The following OPA3 variants were observed in gnomAD, a reference collection of about 807,000 sequenced individuals.
OPA3 encodes the protein optic atrophy 3 protein.
A neutral mutation model predicts 4.0 loss-of-function variants in OPA3; 6 were observed. The ratio of observed to expected loss-of-function variants is 1.51; its 90% CI spans 0.83 to 2.99. The LOEUF (loss-of-function observed/expected upper bound fraction) is 2.99. Ranked by LOEUF, OPA3 falls within the 30% of genes most tolerant of loss-of-function variation. The pLI, the probability that OPA3 is intolerant of heterozygous loss-of-function variation, is 0.00. For missense variants in OPA3, 235 were observed against 256.2 expected (o/e 0.92, Z 0.56); for synonymous variants, 105 against 117.1 (o/e 0.90, Z 0.67).
intron 1 of OPA3, among the ~76,000 whole-genome samples, chr19:45,561,660 T>G (rs1457576732): frequency 6.6e-6 from 1 of 151,978 alleles, no homozygotes; most frequent in Non-Finnish European, 1.5e-5. Context: ...TACAAGGAAG[T>G]TGGCTGATAA....
In OPA3 at chr19:45,553,732, G is replaced by T; in HGVS notation, c.322C>A (p.Gln108Lys). 1 of 1,610,680 alleles carries T rather than the reference G, an allele frequency of 6.2e-7. No homozygotes were observed. ...VLEYWRHQAQ[Q>K]RHKEEEQRAA... Reference sequence around the variant, plus strand: ...CGCTGCTCCTCCTCCTTGTGGCGCTGCTGCGCCTGGTGGCGCCAGTACTCC... The same window carrying T: ...CGCTGCTCCTCCTCCTTGTGGCGCTTCTGCGCCTGGTGGCGCCAGTACTCC... The change falls in exon 2 of 2, where the codon CAG becomes AAG. Residue 108 changes from glutamine (Q) to lysine (K), a missense_variant. Coordinates refer to ENST00000263275, the MANE Select transcript of OPA3 (RefSeq NM_025136.4).
Position 45,551,985 on chromosome 19 carries a change from G to A in OPA3, c.*1529C>T. 2 of 985,564 alleles carry A rather than the reference G, an allele frequency of 2.0e-6. No individual in the cohort carries two copies. The highest frequency in any genetic ancestry group is 2.4e-6 in the Non-Finnish European group (2 of 830,034). The allele number at this position is 985,564 out of a possible 1,614,324, so 61.1% of individuals were successfully genotyped here. ...CAAGCTCCAGGGACTCTGAGGACAG[G>A]AAAATAGGGGGCTGAGGCTGAAGGA... is the stretch of plus-strand genomic sequence containing the variant. On this transcript the variant is annotated 3_prime_UTR_variant, in exon 2 of 2. Transcript: ENST00000263275.
chr19:45,575,009 G>A (rs1041338737), intron 1 of OPA3, among the ~76,000 whole-genome samples: 1 of 152,290 alleles, frequency 6.6e-6, no homozygotes, highest in African/African-American at 2.4e-5. Flanking sequence ...GCACCTGGAT[G>A]AGAGCCTGCC....
In OPA3 at chr19:45,549,357, G is replaced by T; in HGVS notation, c.*4157C>A. ...GCCCTGCTGCCCACGATGACTGGCT[G>T]CCTGTCAGGGCAGGGCAGGGCAGGG... On this transcript the variant is annotated 3_prime_UTR_variant, in exon 2 of 2. Coordinates refer to ENST00000263275, the MANE Select transcript of OPA3 (RefSeq NM_025136.4). The T allele has an allele frequency of 1.1e-6, 1 of 914,934 alleles. No homozygotes were observed. Among genetic ancestry groups the T allele is most frequent in the Non-Finnish European group, 1.2e-6 (1 of 804,386 alleles). The allele number at this position is 914,934 out of a possible 1,614,324, so 56.7% of individuals were successfully genotyped here.
chr19:45,565,424 G>C (rs1468512553), intron 1 of OPA3, among the ~76,000 whole-genome samples: 2 of 151,910 alleles, frequency 1.3e-5, no homozygotes, highest in Non-Finnish European at 2.9e-5. Flanking sequence ...GAGGTCAGGA[G>C]TTTGAGACCA....
chr19:45,580,528 G>A (rs1286858645), intron 1 of OPA3, among the ~76,000 whole-genome samples: 1 of 150,602 alleles, frequency 6.6e-6, no homozygotes, highest in African/African-American at 2.4e-5. Flanking sequence ...CCCGACCTCA[G>A]GTGATCTGCC....
At chr19:45,544,397 C>T (rs985657730), downstream of OPA3, among the ~76,000 whole-genome samples, 2 of 152,216 alleles carry the variant, frequency 1.3e-5, no homozygotes, top group African/African-American at 4.8e-5. Flanking sequence ...CGGTGGCTCA[C>T]GCCTGTAATC....
intron 1 of OPA3, among the ~76,000 whole-genome samples, chr19:45,577,040 C>T (rs1969779723): frequency 6.6e-6 from 1 of 152,338 alleles, no homozygotes; most frequent in East Asian, 1.9e-4. Context: ...TATCTCACAG[C>T]CTCCCTGGGA....
Position 45,553,654 on chromosome 19 carries a change from C to T in OPA3, c.400G>A (p.Glu134Lys). The stretch of plus-strand genomic sequence containing the variant: ...GCCTGCACCTGCGCCTGCAGCGCTT[C>T]CAGCGCCAGCGCCAGGTGGCCCACC... ...DEVGHLALAL[E>K]ALQAQVQAAP... Residue 134 changes from glutamate (E) to lysine (K), a missense_variant, in exon 2 of 2, where the codon GAA (glutamate) becomes AAA (lysine). Glu to Lys is a moderately conservative substitution (Grantham distance 56). Coordinates refer to ENST00000263275, the MANE Select transcript of OPA3 (RefSeq NM_025136.4). The T allele has an allele frequency of 1.2e-6, 2 of 1,604,812 alleles. No homozygotes were observed. The highest frequency in any genetic ancestry group is 1.7e-6 in the Non-Finnish European group (2 of 1,178,284).
At chr19:45,531,858 A>T (rs1473786566) in intron 1 of OPA3, among the ~76,000 whole-genome samples, 2 of 152,112 alleles carry the variant, frequency 1.3e-5, no homozygotes, top group Non-Finnish European at 2.9e-5. Context: ...CTTCTATCCA[A>T]ATCCCGTTTC....
In OPA3 at chr19:45,584,466, C is replaced by T. The variant is rs544516313; in HGVS notation, c.142+157G>A. The T allele has an allele frequency of 2.2e-5, 22 of 982,290 alleles. No homozygotes were observed. In the South Asian group the frequency reaches 7.1e-4, roughly 32 times the overall value. 60.8% of individuals were successfully genotyped at this position (982,290 alleles called of 1,614,324 possible). Reference sequence around the variant, plus strand: ...CCGCCCCGCCCTCACTACTGGGCCACCCGTACGCCCCTCTATCAGAAACCC... The same window carrying T: ...CCGCCCCGCCCTCACTACTGGGCCATCCGTACGCCCCTCTATCAGAAACCC... On this transcript the variant is annotated intron_variant, in intron 1 of 1. Coordinates refer to ENST00000263275, the MANE Select transcript of OPA3 (RefSeq NM_025136.4).
intron 1 of OPA3, chr19:45,584,395 G>T: frequency 1.0e-6 from 1 of 985,362 alleles, no homozygotes; most frequent in Non-Finnish European, 1.2e-6. Flanking sequence ...TTTATCGGCT[G>T]GCATTTCCTA....
Position 45,550,672 on chromosome 19 carries a change from C to T in OPA3, c.*2842G>A. On this transcript the variant is annotated 3_prime_UTR_variant, in exon 2 of 2. Transcript: ENST00000263275. ...CCAGCTCATAGGGTGACTCTTGGGC[C>T]TCTCCCCATCAGAACCCTCCCAGTT... 6.1e-6 allele frequency: 6 copies of T among 985,978 alleles called. No individual in the cohort carries two copies. Among genetic ancestry groups the T allele is most frequent in the Non-Finnish European group, 7.2e-6 (6 of 830,236 alleles). The allele number at this position is 985,978 out of a possible 1,614,324, so 61.1% of individuals were successfully genotyped here. A position where few individuals can be genotyped will look rare whatever the true frequency, so the allele number is the denominator to read the frequency against.
Position 45,551,390 on chromosome 19 carries a change from GT to G in OPA3, c.*2123del, listed in dbSNP as rs1280158963. 1 of 152,252 alleles carries G rather than the reference GT, an allele frequency of 6.6e-6. No individual in the cohort carries two copies. The highest frequency in any genetic ancestry group is 1.5e-5 in the Non-Finnish European group (1 of 68,126). 9.4% of individuals were successfully genotyped at this position (152,252 alleles called of 1,614,324 possible). On this transcript the variant is annotated 3_prime_UTR_variant, in exon 2 of 2. Transcript: ENST00000263275. ...TTATGACAGTTTATTTGGAAAAAGT[GT>G]TTTTTCAGATGTAATTAAGGGTCTT... is the stretch of plus-strand genomic sequence containing the variant.
At chr19:45,543,389 C>T (rs933358469), downstream of OPA3, among the ~76,000 whole-genome samples, 2 of 151,314 alleles carry the variant, frequency 1.3e-5, no homozygotes, top group South Asian at 2.1e-4. Context: ...GACGTGATCT[C>T]GGCTCACTGT....
intron 1 of OPA3, among the ~76,000 whole-genome samples, chr19:45,556,020 C>T (rs1019800513): frequency 1.4e-4 from 22 of 152,240 alleles, no homozygotes; most frequent in African/African-American, 5.3e-4. Flanking sequence ...AAGGATGCAC[C>T]AGCTGTTTGA....
Position 45,551,081 on chromosome 19 carries a change from C to T in OPA3, c.*2433G>A. 2.7e-6 allele frequency: 1 copy of T among 369,174 alleles called. No individual in the cohort carries two copies. The highest frequency in any genetic ancestry group is 3.8e-6 in the Non-Finnish European group (1 of 266,490). The allele number at this position is 369,174 out of a possible 1,614,324, so 22.9% of individuals were successfully genotyped here. A position where few individuals can be genotyped will look rare whatever the true frequency, so the allele number is the denominator to read the frequency against. On this transcript the variant is annotated 3_prime_UTR_variant, in exon 2 of 2. Transcript: ENST00000263275. Reference sequence around the variant, plus strand: ...GCTCAGGTGATCCTCCTGCCTCAGCCTCCCAAGTAGCTGGGACTACAGGCA... The same window carrying T: ...GCTCAGGTGATCCTCCTGCCTCAGCTTCCCAAGTAGCTGGGACTACAGGCA...
chr19:45,534,551 ACT>A (rs1439100860), intron 1 of OPA3, among the ~76,000 whole-genome samples: 4 of 89,580 alleles, frequency 4.5e-5, no homozygotes, highest in Non-Finnish European at 6.3e-5. Context: ...CAAGAGCAAA[ACT>A]CTGTCCCAAA....
At chr19:45,554,046 G>A (rs1969384949) in intron 1 of OPA3, 135 bp from the exon 2 acceptor site, 3 of 707,564 alleles carry the variant, frequency 4.2e-6, no homozygotes, top group East Asian at 5.5e-5. Context: ...CTAGCGAGCA[G>A]CCAGGAATAA....
Sources: allele counts gnomAD v4.1 joint callset (sites outside exome capture counted in the v4.1 genomes callset), GRCh38; gene constraint gnomAD v4.1.1; transcripts MANE v1.5; gene names NCBI Gene and HGNC (gene_info 2026-07-23, HGNC 2026-07-21).